Variants in PIAS2 observed in about 807,000 individuals in gnomAD.
The protein encoded by PIAS2 is protein inhibitor of activated STAT 2.
In PIAS2, 19 loss-of-function variants were observed where a neutral mutation model predicts 69.7. That is an observed-to-expected ratio of 0.27 (90% CI 0.19 to 0.40). The LOEUF is 0.40. PIAS2 is among the 10% of genes least tolerant of loss of function. The probability of loss-of-function intolerance (pLI) is 1.00; values close to 1 mark genes in which losing one functional copy is unlikely to be tolerated. For missense variants in PIAS2, 624 were observed against 757.0 expected, an observed-to-expected ratio of 0.82 and a Z score of 2.06; for synonymous variants, 261 against 263.2, an observed-to-expected ratio of 0.99 and a Z score of 0.08.
chr18:46,917,939 T>G (rs1221229170), upstream of PIAS2: 1 of 152,210 alleles, frequency 6.6e-6, no homozygotes, highest in African/African-American at 2.4e-5. Context: ...AAGCTATTGT[T>G]CCCATCTAAT....
At chr18:46,842,912 C>T (rs2045632554) in intron 8 of PIAS2, among the ~76,000 whole-genome samples, 1 of 152,042 alleles carries the variant, frequency 6.6e-6, no homozygotes, top group African/African-American at 2.4e-5. Flanking sequence ...TCAATAAAGG[C>T]AAATTCATGT....
chr18:46,898,470 C>T (rs2055249522), intron 1 of PIAS2, among the ~76,000 whole-genome samples: 1 of 152,044 alleles, frequency 6.6e-6, no homozygotes, highest in South Asian at 2.1e-4. Context: ...TTAAAAGTAA[C>T]ATTTACTATT....
At chr18:46,862,203 T>C (rs2048764878) in intron 3 of PIAS2, among the ~76,000 whole-genome samples, 1 of 152,064 alleles carries the variant, frequency 6.6e-6, no homozygotes. Context: ...TGGCGGCACC[T>C]GCCTGTAGTC....
At chr18:46,818,733 T>C (rs1460332813) in intron 12 of PIAS2, among the ~76,000 whole-genome samples, 1 of 152,060 alleles carries the variant, frequency 6.6e-6, no homozygotes, top group East Asian at 1.9e-4. Flanking sequence ...GATGATAAAC[T>C]AGCAATTCTT....
At chr18:46,861,890 C>G (rs1045808526) in intron 3 of PIAS2, among the ~76,000 whole-genome samples, 1 of 152,052 alleles carries the variant, frequency 6.6e-6, no homozygotes, top group Non-Finnish European at 1.5e-5. Context: ...TGAATAAAGT[C>G]TGTAGTTAAT....
rs1409819228 is a variant in PIAS2 at position 46,906,771 on chromosome 18, TGTG to T, written c.24+10548_24+10550del. Among the ~76,000 whole-genome samples the T allele has an allele frequency of 1.6e-3, 158 of 96,388 alleles. 1 individual carries two copies. The highest frequency in any genetic ancestry group is 2.7e-3 in the Non-Finnish European group (126 of 46,498). The allele number at this position is 96,388 out of a possible 152,430, so 63.2% of individuals were successfully genotyped here. On this transcript the variant is annotated intron_variant, in intron 1 of 13. Transcript: ENST00000585916. Reference sequence around the variant, plus strand: ...AATACCAACAAGATGTATGTGTGTGTGTGGGGGGGGGGGGAGGTGTATAACATG... The same window carrying T: ...AATACCAACAAGATGTATGTGTGTGTGGGGGGGGGGGAGGTGTATAACATG...
At chr18:46,815,133 A>G (rs977032385) in intron 13 of PIAS2, among the ~76,000 whole-genome samples, 179 bp downstream of exon 13, 1 of 152,192 alleles carries the variant, frequency 6.6e-6, no homozygotes. Context: ...AAAATCATAA[A>G]CTGAAAACAA....
At chr18:46,898,173 T>TGA (rs1305216741) in intron 1 of PIAS2, among the ~76,000 whole-genome samples, 21 of 152,152 alleles carry the variant, frequency 1.4e-4, no homozygotes, top group Middle Eastern at 3.4e-3. Flanking sequence ...TTTTTTTTTT[T>TGA]GAGAGAGAGA....
At chr18:46,882,151 A>T (rs2052370745) in intron 2 of PIAS2, among the ~76,000 whole-genome samples, 1 of 152,036 alleles carries the variant, frequency 6.6e-6, no homozygotes, top group Non-Finnish European at 1.5e-5. Context: ...CTTATTATAT[A>T]CTTATTAACT....
chr18:46,894,226 G>T (rs1206648113), intron 1 of PIAS2, among the ~76,000 whole-genome samples: 1 of 152,080 alleles, frequency 6.6e-6, no homozygotes. Context: ...ATGTTGTTTG[G>T]CAAATCTTAC....
At chr18:46,813,789 A>G (rs551845463) in intron 13 of PIAS2, among the ~76,000 whole-genome samples, 1 of 152,300 alleles carries the variant, frequency 6.6e-6, no homozygotes, top group Non-Finnish European at 1.5e-5. Context: ...AATGCTTTGG[A>G]TAGATAACTG....
At chr18:46,894,731 A>G (rs1318818042) in intron 1 of PIAS2, among the ~76,000 whole-genome samples, 1 of 152,168 alleles carries the variant, frequency 6.6e-6, no homozygotes, top group Non-Finnish European at 1.5e-5. Flanking sequence ...GAAACACTAC[A>G]TACAAAGATG....
At chr18:46,887,814 G>A (rs1021783778) in intron 2 of PIAS2, among the ~76,000 whole-genome samples, 12 of 152,034 alleles carry the variant, frequency 7.9e-5, no homozygotes, top group South Asian at 4.1e-4. Context: ...CCATTCACAC[G>A]GAAGCAATCT....
At chr18:46,880,865 T>C (rs2052119570) in intron 2 of PIAS2, among the ~76,000 whole-genome samples, 1 of 152,228 alleles carries the variant, frequency 6.6e-6, no homozygotes. Context: ...ACTGCATCTA[T>C]ATAGCAATAT....
intron 11 of PIAS2, among the ~76,000 whole-genome samples, chr18:46,822,342 G>A (rs954909510): frequency 3.9e-5 from 6 of 152,120 alleles, no homozygotes; most frequent in Non-Finnish European, 8.8e-5. Flanking sequence ...ATCAAAAACT[G>A]ATCCATTTAG....
chr18:46,911,214 CTTTT>C (rs149777627), intron 1 of PIAS2, among the ~76,000 whole-genome samples: 2 of 139,796 alleles, frequency 1.4e-5, no homozygotes, highest in East Asian at 2.1e-4. Flanking sequence ...TGTTATATTT[CTTTT>C]TTTTTTTTTT....
intron 12 of PIAS2, chr18:46,816,471 AT>A (rs1231792242): frequency 0.12 from 72,214 of 614,018 alleles, 9 homozygotes; most frequent in Non-Finnish European, 0.13. Flanking sequence ...GTTGCTACAG[AT>A]TTTTTTTTTT....
At position 46,867,074 on chromosome 18, in the gene PIAS2, A is replaced by G. The variant is rs560402868; in HGVS notation, c.500-2826T>C. ...TACTTTTATATCAAATTGTACTTAC[A>G]TGTTGCACATACGCAATATATATGT... On this transcript the variant is annotated intron_variant, in intron 2 of 13. Transcript: ENST00000585916. 2.6e-5 allele frequency among the ~76,000 whole-genome samples: 4 copies of G among 152,116 alleles called. No individual in the cohort carries two copies. In the South Asian group the frequency reaches 8.3e-4, roughly 32 times the overall value.
At chr18:46,919,003 ATATATGTG>A (rs1330132099), upstream of PIAS2, among the ~76,000 whole-genome samples, 1 of 146,062 alleles carries the variant, frequency 6.8e-6, no homozygotes, top group African/African-American at 2.7e-5. Context: ...GTGTATATAT[ATATATGTG>A]TGTGTGTGTG....
Sources: allele counts gnomAD v4.1 joint callset (sites outside exome capture counted in the v4.1 genomes callset), GRCh38; gene constraint gnomAD v4.1.1; transcripts MANE v1.5; gene names NCBI Gene and HGNC (gene_info 2026-07-23, HGNC 2026-07-21).